Variants in GRIK2 observed in about 807,000 individuals in gnomAD.
GRIK2 encodes the protein glutamate receptor ionotropic, kainate 2.
A neutral mutation model predicts 100.3 loss-of-function variants in GRIK2; 32 were observed. The observed-to-expected ratio is 0.32, with a 90% CI of 0.24 to 0.43. The LOEUF (loss-of-function observed/expected upper bound fraction) is 0.43, where lower values mean the gene tolerates loss of function less well. GRIK2 is among the 20% of genes least tolerant of loss of function. The pLI, the probability that GRIK2 is intolerant of heterozygous loss-of-function variation, is 1.00. For missense variants in GRIK2, 843 were observed against 1,114.9 expected, an observed-to-expected ratio of 0.76 and a Z score of 3.47; for synonymous variants, 417 against 389.4, an observed-to-expected ratio of 1.07 and a Z score of -0.83.
intron 10 of GRIK2, among the ~76,000 whole-genome samples, chr6:101,837,713 A>C (rs1441017175): frequency 6.6e-6 from 1 of 152,214 alleles, no homozygotes; most frequent in Non-Finnish European, 1.5e-5. Context: ...CAGGACAAAA[A>C]GAATGGGTAG....
intron 10 of GRIK2, among the ~76,000 whole-genome samples, chr6:101,845,235 C>T (rs1048393377): frequency 2.0e-5 from 3 of 152,082 alleles, no homozygotes; most frequent in African/African-American, 7.2e-5. Flanking sequence ...CCAAGTGGGT[C>T]CTGGCCTCAA....
intron 2 of GRIK2, among the ~76,000 whole-genome samples, chr6:101,410,809 G>A (rs1202209636): frequency 2.0e-5 from 3 of 151,982 alleles, no homozygotes; most frequent in African/African-American, 7.2e-5. Flanking sequence ...AAAATGTAAA[G>A]TTTATTGGGA....
At chr6:101,850,119 C>G (rs1159072225) in intron 10 of GRIK2, among the ~76,000 whole-genome samples, 2 of 151,886 alleles carry the variant, frequency 1.3e-5, no homozygotes, top group African/African-American at 4.8e-5. Flanking sequence ...AAAAACGTAG[C>G]CTGTGAGAAC....
chr6:101,541,753 CT>C, intron 2 of GRIK2, among the ~76,000 whole-genome samples: 1 of 111,462 alleles, frequency 9.0e-6, no homozygotes, highest in Non-Finnish European at 2.2e-5. Flanking sequence ...GCTGCTGACT[CT>C]CTGATCTTCC....
At chr6:101,716,051 T>C (rs972155846) in intron 7 of GRIK2, among the ~76,000 whole-genome samples, 4 of 151,820 alleles carry the variant, frequency 2.6e-5, no homozygotes, top group African/African-American at 9.7e-5. Flanking sequence ...CCCTTCTATC[T>C]TCCTTTTCCT....
chr6:101,740,548 C>G (rs1172972594), intron 7 of GRIK2, among the ~76,000 whole-genome samples: 1 of 151,990 alleles, frequency 6.6e-6, no homozygotes, highest in Non-Finnish European at 1.5e-5. Context: ...TCTTGTTTTT[C>G]TTTGTTAGGT....
chr6:101,401,749 T>C (rs934460705), intron 2 of GRIK2, among the ~76,000 whole-genome samples: 2 of 152,226 alleles, frequency 1.3e-5, no homozygotes, highest in African/African-American at 4.8e-5. Context: ...TATAAGCCAC[T>C]CTTGAGAATG....
At chr6:101,743,179 A>G (rs1010024980) in intron 7 of GRIK2, among the ~76,000 whole-genome samples, 1 of 152,156 alleles carries the variant, frequency 6.6e-6, no homozygotes, top group Non-Finnish European at 1.5e-5. Flanking sequence ...AGTGGTTTCA[A>G]CCAGCTTGCA....
chr6:101,630,565 G>GT (rs1780682711), intron 4 of GRIK2, among the ~76,000 whole-genome samples: 1 of 151,960 alleles, frequency 6.6e-6, no homozygotes, highest in Non-Finnish European at 1.5e-5. Context: ...GGGGTTATTT[G>GT]TTTTTTGCTT....
At chr6:102,049,479 C>T (rs1410830279) in intron 15 of GRIK2, among the ~76,000 whole-genome samples, 6 of 152,046 alleles carry the variant, frequency 3.9e-5, no homozygotes, top group Admixed American at 3.3e-4. Context: ...AATTCTTCCC[C>T]GACAATAAAT....
At chr6:101,799,384 C>T (rs1364641220) in intron 7 of GRIK2, among the ~76,000 whole-genome samples, 3 of 151,648 alleles carry the variant, frequency 2.0e-5, no homozygotes, top group East Asian at 1.9e-4. Context: ...CCTACTTCAA[C>T]GGCAGTACTA....
intron 15 of GRIK2, among the ~76,000 whole-genome samples, chr6:102,041,292 A>G (rs1770557494): frequency 6.6e-6 from 1 of 151,700 alleles, no homozygotes; most frequent in Non-Finnish European, 1.5e-5. Context: ...GACAGATTTT[A>G]TACACAAAGA....
chr6:101,888,953 C>T (rs1786851838), intron 11 of GRIK2, among the ~76,000 whole-genome samples: 1 of 152,044 alleles, frequency 6.6e-6, no homozygotes, highest in Non-Finnish European at 1.5e-5. Flanking sequence ...ACTAATTCAA[C>T]ATATTTAAGC....
intron 4 of GRIK2, among the ~76,000 whole-genome samples, chr6:101,627,237 G>T (rs1780508415): frequency 6.6e-6 from 1 of 151,872 alleles, no homozygotes; most frequent in Non-Finnish European, 1.5e-5. Flanking sequence ...TGCCTCCCAG[G>T]TTCAAGCGAT....
At chr6:101,500,569 AT>A (rs1364852623) in intron 2 of GRIK2, among the ~76,000 whole-genome samples, 3 of 152,140 alleles carry the variant, frequency 2.0e-5, no homozygotes, top group Non-Finnish European at 4.4e-5. Flanking sequence ...GTCTCTAATT[AT>A]TAATAAACTT....
intron 14 of GRIK2, among the ~76,000 whole-genome samples, chr6:102,020,117 G>A (rs1037363911): frequency 1.3e-5 from 2 of 151,888 alleles, no homozygotes; most frequent in Non-Finnish European, 2.9e-5. Context: ...ATTCCACAGA[G>A]TAAGTATCTC....
At chr6:101,549,348 A>G (rs1024199092) in intron 2 of GRIK2, among the ~76,000 whole-genome samples, 2 of 151,348 alleles carry the variant, frequency 1.3e-5, no homozygotes, top group African/African-American at 2.4e-5. Flanking sequence ...TGGGAGGAGA[A>G]GGCTTGGCAT....
At chr6:101,496,007 G>A (rs376456760) in intron 2 of GRIK2, among the ~76,000 whole-genome samples, 166 of 152,034 alleles carry the variant, frequency 1.1e-3, no homozygotes, top group African/African-American at 3.6e-3. Context: ...GTGCAGTGGC[G>A]CTATGTTGGC....
chr6:101,983,848 A>G (rs1032552404), intron 14 of GRIK2, among the ~76,000 whole-genome samples: 5 of 151,754 alleles, frequency 3.3e-5, no homozygotes, highest in South Asian at 2.1e-4. Flanking sequence ...GACTTCCAAT[A>G]CTTAAAATTC....
Sources: allele counts gnomAD v4.1 joint callset (sites outside exome capture counted in the v4.1 genomes callset), GRCh38; gene constraint gnomAD v4.1.1; transcripts MANE v1.5; gene names NCBI Gene and HGNC (gene_info 2026-07-23, HGNC 2026-07-21).